The following CAMKMT variants were observed in gnomAD, a reference collection of about 807,000 sequenced individuals.
The protein encoded by CAMKMT is calmodulin-lysine N-methyltransferase, also known as CaM KMT.
A neutral mutation model predicts 48.0 loss-of-function variants in CAMKMT; 53 were observed. The ratio of observed to expected loss-of-function variants is 1.10; its 90% CI spans 0.89 to 1.39. CAMKMT has a LOEUF of 1.39. CAMKMT is among the 40% of genes most tolerant of loss of function. The pLI is 0.00. For synonymous variants in CAMKMT, 165 were observed against 152.3 expected (o/e 1.08, Z -0.61); for missense variants, 428 against 402.7 (o/e 1.06, Z -0.54).
intron 10 of CAMKMT, among the ~76,000 whole-genome samples, chr2:44,768,361 A>ATATATATTT (rs35058824): frequency 7.8e-5 from 9 of 115,744 alleles, no homozygotes; most frequent in African/African-American, 3.0e-4. Flanking sequence ...ATATATATAT[A>ATATATATTT]TTTTTTTTTT....
chr2:44,768,362 T>TATATATA (rs1491157479), intron 10 of CAMKMT, among the ~76,000 whole-genome samples: 42 of 74,288 alleles, frequency 5.7e-4, no homozygotes, highest in Admixed American at 1.4e-3. Flanking sequence ...TATATATATA[T>TATATATA]TTTTTTTTTT....
At chr2:44,485,504 C>A (rs1452597643) in intron 3 of CAMKMT, among the ~76,000 whole-genome samples, 1 of 152,104 alleles carries the variant, frequency 6.6e-6, no homozygotes, top group Non-Finnish European at 1.5e-5. Context: ...GAAATGTGTC[C>A]TTAGGCAATT....
At position 44,542,537 on chromosome 2, in the gene CAMKMT, A is replaced by ACT. The variant is rs796094902; in HGVS notation, c.376+152251_376+152252dup. Among the ~76,000 whole-genome samples, 180 of 67,944 alleles carry ACT rather than the reference A, an allele frequency of 2.6e-3. 1 individual carries two copies. Among genetic ancestry groups the ACT allele is most frequent in the East Asian group, 7.2e-3 (27 of 3,754 alleles). 44.6% of individuals were successfully genotyped at this position (67,944 alleles called of 152,430 possible). A position where few individuals can be genotyped will look rare whatever the true frequency, so the allele number is the denominator to read the frequency against. On this transcript the variant is annotated intron_variant, in intron 3 of 10. Coordinates refer to ENST00000378494, the MANE Select transcript of CAMKMT (RefSeq NM_024766.5). ...CACACACACACACACACACACACAC[A>ACT]CTCTCTCTCTCTCTCTCTCTTTCTC...
At chr2:44,451,246 A>G (rs1373359035) in intron 3 of CAMKMT, among the ~76,000 whole-genome samples, 2 of 152,096 alleles carry the variant, frequency 1.3e-5, no homozygotes, top group African/African-American at 4.8e-5. Flanking sequence ...CTTTTGTTGT[A>G]TTAGAGGTTT....
intron 3 of CAMKMT, among the ~76,000 whole-genome samples, chr2:44,670,235 A>T (rs1461319961): frequency 6.6e-6 from 1 of 152,168 alleles, no homozygotes; most frequent in Non-Finnish European, 1.5e-5. Context: ...CTTATATGTG[A>T]TGATTTTCAC....
At chr2:44,621,114 A>G (rs1457492648) in intron 3 of CAMKMT, among the ~76,000 whole-genome samples, 1 of 151,972 alleles carries the variant, frequency 6.6e-6, no homozygotes, top group Non-Finnish European at 1.5e-5. Context: ...TAAAAATACA[A>G]AAAATTAGCT....
In CAMKMT at chr2:44,511,912, A is replaced by G. The variant is rs140619776; in HGVS notation, c.376+121607A>G. 4.3e-3 allele frequency among the ~76,000 whole-genome samples: 649 copies of G among 152,228 alleles called. 9 individuals are homozygous for G. The highest frequency in any genetic ancestry group is 0.015 in the African/African-American group (618 of 41,552). On this transcript the variant is annotated intron_variant, in intron 3 of 10. Transcript: ENST00000378494. ...AACCTGCTTACTCTGCCCACCCCCC[A>G]TCTTCTAATAGTACTGTACTTTGTG...
chr2:44,377,498 T>A (rs1450872143), intron 2 of CAMKMT, among the ~76,000 whole-genome samples: 1 of 151,964 alleles, frequency 6.6e-6, no homozygotes, highest in East Asian at 1.9e-4. Context: ...ATTGTTCCTA[T>A]CTCCCATATT....
At chr2:44,600,681 C>T (rs1424289745) in intron 3 of CAMKMT, among the ~76,000 whole-genome samples, 1 of 152,108 alleles carries the variant, frequency 6.6e-6, no homozygotes, top group Non-Finnish European at 1.5e-5. Context: ...CAGACACACA[C>T]GCATATGTGT....
Position 44,575,125 on chromosome 2 carries a change from C to T in CAMKMT, c.377-129158C>T, listed in dbSNP as rs189116585. 2.8e-3 allele frequency among the ~76,000 whole-genome samples: 427 copies of T among 152,104 alleles called. 2 individuals carry two copies. Among genetic ancestry groups the T allele is most frequent in the African/African-American group, 9.9e-3 (412 of 41,484 alleles). On this transcript the variant is annotated intron_variant, in intron 3 of 10. Coordinates refer to ENST00000378494, the MANE Select transcript of CAMKMT (RefSeq NM_024766.5). ...ACAGAGTCTCACTCTGTCACCCAGG[C>T]TGGGGTGCAGTGGCGCAATCTCGGC...
chr2:44,443,973 G>C (rs1194292379), intron 3 of CAMKMT, among the ~76,000 whole-genome samples: 2 of 152,146 alleles, frequency 1.3e-5, no homozygotes, highest in African/African-American at 4.8e-5. Context: ...ATTTATAGTA[G>C]TCTTTTAAGG....
intron 2 of CAMKMT, among the ~76,000 whole-genome samples, chr2:44,384,394 A>G (rs1309383467): frequency 2.0e-5 from 3 of 151,346 alleles, no homozygotes; most frequent in African/African-American, 7.3e-5. Context: ...TCAGATGTTT[A>G]GATTGTGAAG....
chr2:44,482,196 A>G (rs548323141), intron 3 of CAMKMT, among the ~76,000 whole-genome samples: 1 of 152,302 alleles, frequency 6.6e-6, no homozygotes, highest in East Asian at 1.9e-4. Flanking sequence ...AAAGCAGCAG[A>G]TACAATAAAT....
intron 3 of CAMKMT, among the ~76,000 whole-genome samples, chr2:44,397,020 C>T (rs1369905166): frequency 6.7e-6 from 1 of 150,204 alleles, no homozygotes; most frequent in Non-Finnish European, 1.5e-5. Flanking sequence ...GATTGCACCA[C>T]TGCCCTTCAG....
At chr2:44,565,844 A>C (rs1253825055) in intron 3 of CAMKMT, among the ~76,000 whole-genome samples, 1 of 152,238 alleles carries the variant, frequency 6.6e-6, no homozygotes, top group Non-Finnish European at 1.5e-5. Context: ...CCCTAAAAAT[A>C]AATAGGAAGG....
At chr2:44,613,865 G>A (rs192740098) in intron 3 of CAMKMT, among the ~76,000 whole-genome samples, 4 of 152,266 alleles carry the variant, frequency 2.6e-5, no homozygotes, top group South Asian at 2.1e-4. Context: ...TGGTTTTCAC[G>A]TCCGTCTCTA....
At chr2:44,463,841 G>A (rs1165151104) in intron 3 of CAMKMT, among the ~76,000 whole-genome samples, 1 of 152,202 alleles carries the variant, frequency 6.6e-6, no homozygotes, top group East Asian at 1.9e-4. Context: ...GTGCTGTTTG[G>A]TGAAGGTCTT....
chr2:44,511,970 T>C (rs1013256153), intron 3 of CAMKMT, among the ~76,000 whole-genome samples: 1 of 152,358 alleles, frequency 6.6e-6, no homozygotes, highest in South Asian at 2.1e-4. Flanking sequence ...TAGCTCCTTG[T>C]AATTTCAGAC....
chr2:44,489,024 C>G (rs1433231856), intron 3 of CAMKMT, among the ~76,000 whole-genome samples: 1 of 151,842 alleles, frequency 6.6e-6, no homozygotes, highest in Non-Finnish European at 1.5e-5. Context: ...TACCACTATG[C>G]CTGGCTAAGT....
Sources: allele counts gnomAD v4.1 joint callset (sites outside exome capture counted in the v4.1 genomes callset), GRCh38; gene constraint gnomAD v4.1.1; transcripts MANE v1.5; gene names NCBI Gene and HGNC (gene_info 2026-07-23, HGNC 2026-07-21).